The following GRIN2B variants were observed in gnomAD, a reference collection of about 807,000 sequenced individuals.
GRIN2B encodes glutamate ionotropic receptor NMDA type subunit 2B, also known as glutamate receptor ionotropic, NMDA 2B.
Under a neutral mutation model 114.5 loss-of-function variants are expected in GRIN2B, and 5 were observed. The observed-to-expected ratio is 0.04, with a 90% CI of 0.02 to 0.09. GRIN2B has a LOEUF of 0.09. GRIN2B is among the 10% of genes least tolerant of loss of function. The pLI, the probability that GRIN2B is intolerant of heterozygous loss-of-function variation, is 1.00. For synonymous variants in GRIN2B, 787 were observed against 745.1 expected (o/e 1.06, Z -0.92); for missense variants, 1,108 against 1,943.5 (o/e 0.57, Z 8.08).
At chr12:13,758,392 G>A (rs1205261028) in intron 3 of GRIN2B, among the ~76,000 whole-genome samples, 3 of 152,078 alleles carry the variant, frequency 2.0e-5, no homozygotes, top group African/African-American at 7.2e-5. Context: ...GCTTCAAAGA[G>A]AACATATCTA....
chr12:13,711,236 A>G (rs1950411343), intron 4 of GRIN2B, among the ~76,000 whole-genome samples: 1 of 151,920 alleles, frequency 6.6e-6, no homozygotes, highest in Non-Finnish European at 1.5e-5. Context: ...TTCAAGATGG[A>G]TTAAAGACTT....
rs576573924 is a variant in GRIN2B, at chr12:13,726,377, A to G, written c.1010+26940T>C. Among the ~76,000 whole-genome samples the G allele has an allele frequency of 2.6e-5, 4 of 151,818 alleles. No individual in the cohort carries two copies. The East Asian group carries it at 7.8e-4, about 29-fold the overall frequency. ...TGGTGAAACCTTGTCTCTACTAAAA[A>G]TACAAAAATTAGCCAGGCATGGTGG... On this transcript the variant is annotated intron_variant, in intron 4 of 13. Transcript: ENST00000609686.
intron 10 of GRIN2B, among the ~76,000 whole-genome samples, chr12:13,594,147 C>G (rs949903783): frequency 6.6e-6 from 1 of 151,980 alleles, no homozygotes; most frequent in African/African-American, 2.4e-5. Context: ...CTAGAAATAC[C>G]ATTTGACCCA....
intron 2 of GRIN2B, among the ~76,000 whole-genome samples, chr12:13,909,892 T>C (rs1029200435): frequency 6.6e-6 from 1 of 152,162 alleles, no homozygotes; most frequent in African/African-American, 2.4e-5. Flanking sequence ...TTCTTGTTTC[T>C]AAAGACAGGT....
At chr12:13,762,993 G>A (rs747900660) in intron 3 of GRIN2B, among the ~76,000 whole-genome samples, 24 of 151,220 alleles carry the variant, frequency 1.6e-4, no homozygotes, top group Non-Finnish European at 2.9e-4. Flanking sequence ...AGCAAAGTAC[G>A]GCTGTTCACA....
intron 11 of GRIN2B, 71 bp from the exon 12 acceptor site, chr12:13,570,088 A>G (rs1367588807): frequency 2.9e-6 from 3 of 1,030,776 alleles, no homozygotes. Context: ...GGCCATTAAT[A>G]TGAAGCAGTA....
At chr12:13,612,412 A>G (rs185585275) in intron 8 of GRIN2B, among the ~76,000 whole-genome samples, 2 of 152,160 alleles carry the variant, frequency 1.3e-5, no homozygotes, top group Non-Finnish European at 2.9e-5. Context: ...CACTTTTTCA[A>G]CCTACTTTGA....
intron 2 of GRIN2B, among the ~76,000 whole-genome samples, chr12:13,886,522 A>G (rs998527796): frequency 6.6e-6 from 1 of 152,170 alleles, no homozygotes; most frequent in Admixed American, 6.5e-5. Flanking sequence ...GATTTTGAAC[A>G]GAGGAGTATT....
chr12:13,686,593 T>C (rs562466840), intron 4 of GRIN2B, among the ~76,000 whole-genome samples: 8 of 152,308 alleles, frequency 5.3e-5, no homozygotes, highest in African/African-American at 1.9e-4. Flanking sequence ...AAAGAGATTT[T>C]TCAACCCCTA....
At position 13,558,739 on chromosome 12, in the gene GRIN2B, C is replaced by T. The variant is rs1948504065; in HGVS notation, c.*4044G>A. On this transcript the variant is annotated 3_prime_UTR_variant, in exon 14 of 14. Coordinates refer to ENST00000609686, the MANE Select transcript of GRIN2B (RefSeq NM_000834.5). Reference sequence around the variant, plus strand: ...TGGCTGTGGCCAGTGCAGGGAAATACATATGAAGGATGTTTCCCAAGTTCT... The same window carrying T: ...TGGCTGTGGCCAGTGCAGGGAAATATATATGAAGGATGTTTCCCAAGTTCT... The T allele has an allele frequency of 6.6e-6, 1 of 152,214 alleles. No homozygotes were observed. The highest frequency in any genetic ancestry group is 2.1e-4 in the South Asian group (1 of 4,830). The allele number at this position is 152,214 out of a possible 1,614,324, so 9.4% of individuals were successfully genotyped here.
chr12:13,853,289 T>C (rs1285645465), intron 3 of GRIN2B, among the ~76,000 whole-genome samples: 1 of 152,230 alleles, frequency 6.6e-6, no homozygotes, highest in East Asian at 1.9e-4. Flanking sequence ...CCTCAAATAG[T>C]TCCTAATACC....
intron 2 of GRIN2B, among the ~76,000 whole-genome samples, chr12:13,947,919 C>T (rs1313814277): frequency 6.6e-6 from 1 of 152,156 alleles, no homozygotes; most frequent in Non-Finnish European, 1.5e-5. Flanking sequence ...TGTCCCAGAA[C>T]CAGAGAAGCA....
chr12:13,945,488 G>A (rs1217023422), intron 2 of GRIN2B, among the ~76,000 whole-genome samples: 1 of 152,192 alleles, frequency 6.6e-6, no homozygotes, highest in African/African-American at 2.4e-5. Flanking sequence ...GTTGATACGA[G>A]AACCTTGGTC....
chr12:13,762,616 T>G (rs1224506213), intron 3 of GRIN2B, among the ~76,000 whole-genome samples: 1 of 152,236 alleles, frequency 6.6e-6, no homozygotes, highest in East Asian at 1.9e-4. Flanking sequence ...TTGATTAAGC[T>G]ATGAGTGCTA....
At chr12:13,613,322 G>A (rs1250825834) in intron 8 of GRIN2B, among the ~76,000 whole-genome samples, 1 of 152,178 alleles carries the variant, frequency 6.6e-6, no homozygotes, top group Non-Finnish European at 1.5e-5. Context: ...TACATCGTCT[G>A]TTTTGGTCTT....
chr12:13,904,322 T>C (rs938123334), intron 2 of GRIN2B, among the ~76,000 whole-genome samples: 14 of 152,098 alleles, frequency 9.2e-5, no homozygotes, highest in African/African-American at 3.4e-4. Context: ...TCTTAGTGAT[T>C]GTCCTAGAAA....
chr12:13,903,523 C>A (rs575812662), intron 2 of GRIN2B, among the ~76,000 whole-genome samples: 1 of 152,128 alleles, frequency 6.6e-6, no homozygotes, highest in South Asian at 2.1e-4. Context: ...TGCTAGTTGT[C>A]CTTTTGCTTT....
intron 4 of GRIN2B, among the ~76,000 whole-genome samples, chr12:13,711,705 C>T (rs1950416844): frequency 1.3e-5 from 2 of 151,568 alleles, no homozygotes; most frequent in Admixed American, 6.6e-5. Context: ...GTTAGAATGG[C>T]AATCATTAAA....
At chr12:13,592,978 A>G (rs1193923861) in intron 10 of GRIN2B, among the ~76,000 whole-genome samples, 1 of 152,208 alleles carries the variant, frequency 6.6e-6, no homozygotes, top group East Asian at 1.9e-4. Flanking sequence ...GCCACTTTAC[A>G]TGGGTCATGA....
Sources: gnomAD v4.1 joint callset for allele counts (sites outside exome capture counted in the v4.1 genomes callset) on GRCh38, gnomAD v4.1.1 for gene constraint, MANE v1.5 for transcripts, NCBI Gene and HGNC (gene_info 2026-07-23, HGNC 2026-07-21) for gene names.